RNF144A: variants seen among roughly 807,000 people sequenced by gnomAD.
RNF144A encodes E3 ubiquitin-protein ligase RNF144A.
Under a neutral mutation model 38.7 loss-of-function variants are expected in RNF144A, and 11 were observed. That is an observed-to-expected ratio of 0.28 (90% CI 0.18 to 0.47). The LOEUF is 0.47. Among genes scored for constraint, RNF144A ranks in the 20% least tolerant of loss-of-function variants. The probability of loss-of-function intolerance (pLI) is 0.99; values close to 1 mark genes in which losing one functional copy is unlikely to be tolerated. For synonymous variants in RNF144A, 149 were observed against 143.9 expected, an observed-to-expected ratio of 1.04 and a Z score of -0.25; for missense variants, 316 against 377.2, an observed-to-expected ratio of 0.84 and a Z score of 1.34.
intron 2 of RNF144A, among the ~76,000 whole-genome samples, chr2:6,959,926 T>C (rs1667235839): frequency 6.6e-6 from 1 of 152,194 alleles, no homozygotes; most frequent in Admixed American, 6.5e-5. Context: ...TACTACCAAA[T>C]AGGCACTTTG....
chr2:7,055,329 T>C (rs1429248346), intron 6 of RNF144A, among the ~76,000 whole-genome samples: 1 of 152,198 alleles, frequency 6.6e-6, no homozygotes, highest in Non-Finnish European at 1.5e-5. Context: ...ATGCTCAGTA[T>C]TGCATCTTGA....
At chr2:6,974,932 G>A (rs865965949) in intron 2 of RNF144A, among the ~76,000 whole-genome samples, 1 of 152,132 alleles carries the variant, frequency 6.6e-6, no homozygotes, top group African/African-American at 2.4e-5. Flanking sequence ...TAGATGTATA[G>A]AATGAGTAGG....
intron 6 of RNF144A, among the ~76,000 whole-genome samples, chr2:7,050,099 G>T (rs1006756763): frequency 3.3e-5 from 5 of 152,198 alleles, no homozygotes; most frequent in African/African-American, 9.6e-5. Flanking sequence ...ATTCACGAGT[G>T]AGTAGGACCT....
intron 2 of RNF144A, among the ~76,000 whole-genome samples, chr2:6,975,741 A>AC (rs1668270485): frequency 6.6e-6 from 1 of 152,160 alleles, no homozygotes; most frequent in Admixed American, 6.5e-5. Flanking sequence ...TGGGAGGATC[A>AC]CCTGAGCCCA....
downstream of RNF144A, among the ~76,000 whole-genome samples, chr2:7,048,658 TG>T (rs1673403737): frequency 6.6e-6 from 1 of 152,194 alleles, no homozygotes; most frequent in South Asian, 2.1e-4. Flanking sequence ...GGCCACAGCA[TG>T]GGGACCTTTC....
At chr2:7,001,361 T>TA (rs1670089183) in intron 3 of RNF144A, among the ~76,000 whole-genome samples, 2 of 150,850 alleles carry the variant, frequency 1.3e-5, no homozygotes, top group Non-Finnish European at 2.9e-5. Flanking sequence ...AAAATAAAAT[T>TA]AAAATAAATA....
intron 7 of RNF144A, among the ~76,000 whole-genome samples, chr2:7,028,407 A>C (rs1672065382): frequency 6.6e-6 from 1 of 152,168 alleles, no homozygotes; most frequent in South Asian, 2.1e-4. Context: ...AGGGAGCCTG[A>C]GGACTGGGCC....
At chr2:6,980,622 C>G (rs758099751) in intron 2 of RNF144A, among the ~76,000 whole-genome samples, 1 of 152,248 alleles carries the variant, frequency 6.6e-6, no homozygotes, top group Non-Finnish European at 1.5e-5. Context: ...GGTACAGCCG[C>G]TGCAGCTGCT....
chr2:6,978,482 G>C (rs894222210), intron 2 of RNF144A: 1 of 152,190 alleles, frequency 6.6e-6, no homozygotes, highest in Admixed American at 6.5e-5. Flanking sequence ...AAGTTCGAAC[G>C]TGGGGCTGGG....
At chr2:6,968,556 C>T (rs1316741606) in intron 2 of RNF144A, among the ~76,000 whole-genome samples, 2 of 152,220 alleles carry the variant, frequency 1.3e-5, no homozygotes, top group African/African-American at 4.8e-5. Flanking sequence ...CCTGCTGGCC[C>T]ATCGCCTGGT....
intron 1 of RNF144A, among the ~76,000 whole-genome samples, chr2:6,919,422 G>A (rs182611074): frequency 1.3e-5 from 2 of 152,224 alleles, no homozygotes; most frequent in African/African-American, 2.4e-5. Flanking sequence ...TTTTTAAAGC[G>A]TGCAAAGGAA....
Position 6,949,077 on chromosome 2 carries a change from C to T in RNF144A, c.-12+7930C>T, listed in dbSNP as rs532318191. On this transcript the variant is annotated intron_variant, in intron 2 of 8. Transcript: ENST00000320892. ...GGTGCTTTTGATTTCTCTTCTGGGT[C>T]CTCTTTGCCCAATTCTAGTTGAAAA... 5.3e-5 allele frequency among the ~76,000 whole-genome samples: 8 copies of T among 152,238 alleles called. No individual in the cohort carries two copies. The South Asian group carries it at 1.7e-3, about 32-fold the overall frequency.
chr2:6,974,066 T>C (rs1668156502), intron 2 of RNF144A, among the ~76,000 whole-genome samples: 1 of 152,232 alleles, frequency 6.6e-6, no homozygotes, highest in African/African-American at 2.4e-5. Flanking sequence ...AGGCTATGGC[T>C]CATGCTCATT....
intron 2 of RNF144A, among the ~76,000 whole-genome samples, chr2:6,979,755 A>G (rs1209754555): frequency 6.6e-6 from 1 of 152,186 alleles, no homozygotes. Flanking sequence ...TTACCCAGGG[A>G]CTTTGGGCAA....
intron 3 of RNF144A, among the ~76,000 whole-genome samples, chr2:7,001,979 GC>G (rs1670136978): frequency 1.3e-5 from 2 of 152,172 alleles, no homozygotes; most frequent in Non-Finnish European, 2.9e-5. Flanking sequence ...AAAGTATTGA[GC>G]AGTAGCATGC....
At chr2:6,978,711 G>A (rs549517910) in intron 2 of RNF144A, 5 of 152,758 alleles carry the variant, frequency 3.3e-5, no homozygotes, top group Admixed American at 3.3e-4. Flanking sequence ...AAACAAGTAG[G>A]CTGGTTCTGC....
At position 7,000,382 on chromosome 2, in the gene RNF144A, G is replaced by C. The variant is rs549067751; in HGVS notation, c.135+3321G>C. ...TGGACACGTATTTTGAAATCAGGCT[G>C]CCGTTACCCACCATGAGGGCCAATC... On this transcript the variant is annotated intron_variant, in intron 3 of 8. Transcript: ENST00000320892. Among the ~76,000 whole-genome samples the C allele has an allele frequency of 2.0e-5, 3 of 152,310 alleles. No homozygotes were observed. The East Asian group carries it at 5.8e-4, about 29-fold the overall frequency.
At position 7,040,039 on chromosome 2, in the gene RNF144A, C is replaced by T; in HGVS notation, c.*279C>T. 8.7e-7 allele frequency: 1 copy of T among 1,154,362 alleles called. No individual in the cohort carries two copies. Among genetic ancestry groups the T allele is most frequent in the Admixed American group, 4.5e-5 (1 of 22,106 alleles). The allele number at this position is 1,154,362 out of a possible 1,614,324, so 71.5% of individuals were successfully genotyped here. ...GTGCTGTGAGAAGTGCACCAGGCAG[C>T]TTTCTCTCTGTGGTAGACTAGGCAT... is the stretch of plus-strand genomic sequence containing the variant. On this transcript the variant is annotated 3_prime_UTR_variant, in exon 9 of 9. Transcript: ENST00000320892.
At chr2:6,965,463 ATATT>A (rs1180418047) in intron 2 of RNF144A, among the ~76,000 whole-genome samples, 1 of 152,196 alleles carries the variant, frequency 6.6e-6, no homozygotes, top group African/African-American at 2.4e-5. Flanking sequence ...AAACGTCTAT[ATATT>A]CAGGGCCTTT....
Sources: gnomAD v4.1 joint callset for allele counts (sites outside exome capture counted in the v4.1 genomes callset) on GRCh38, gnomAD v4.1.1 for gene constraint, MANE v1.5 for transcripts, NCBI Gene and HGNC (gene_info 2026-07-23, HGNC 2026-07-21) for gene names.